PTGIR: variants seen among roughly 807,000 people sequenced by gnomAD.
PTGIR encodes prostaglandin I2 receptor.
Under a neutral mutation model 17.6 loss-of-function variants are expected in PTGIR, and 16 were observed. That is an observed-to-expected ratio of 0.91 (90% confidence interval 0.61 to 1.38). The LOEUF is 1.38. Ranked by LOEUF, PTGIR falls within the 40% of genes most tolerant of loss-of-function variation. The probability of loss-of-function intolerance (pLI) is 0.00; values close to 1 mark genes in which losing one functional copy is unlikely to be tolerated. For synonymous variants in PTGIR, 274 were observed against 255.4 expected, an observed-to-expected ratio of 1.07 and a Z score of -0.69; for missense variants, 532 against 548.6, an observed-to-expected ratio of 0.97 and a Z score of 0.30.
downstream of PTGIR, among the ~76,000 whole-genome samples, chr19:46,619,613 G>GAA (rs1568675838): frequency 8.1e-6 from 1 of 124,076 alleles, no homozygotes; most frequent in African/African-American, 3.3e-5. Context: ...AGGAAAGAAA[G>GAA]AAAGAAAGAA....
At chr19:46,617,822 GTGCTTT>G (rs1430968272), downstream of PTGIR, among the ~76,000 whole-genome samples, 1 of 150,684 alleles carries the variant, frequency 6.6e-6, no homozygotes, top group African/African-American at 2.4e-5. Flanking sequence ...TCAACCTGTT[GTGCTTT>G]TGCTTTTAAC....
At chr19:46,612,899 CACTTCAATAA>C in the PTGIR span, among the ~76,000 whole-genome samples, 4 of 152,170 alleles carry the variant, frequency 2.6e-5, no homozygotes, top group African/African-American at 9.7e-5. Context: ...CCACCTCTGC[CACTTCAATAA>C]ACTTGGAGCA....
downstream of PTGIR, among the ~76,000 whole-genome samples, chr19:46,619,783 G>A (rs1289248460): frequency 6.6e-6 from 1 of 152,182 alleles, no homozygotes; most frequent in Non-Finnish European, 1.5e-5. Context: ...CACGTACCGC[G>A]CCTCTCCCCA....
chr19:46,616,887 C>T (rs995364488), downstream of PTGIR, among the ~76,000 whole-genome samples: 2 of 152,224 alleles, frequency 1.3e-5, no homozygotes, highest in Non-Finnish European at 1.5e-5. Context: ...CCCTGCGGAG[C>T]GGGTGAGCAG....
At chr19:46,624,343 C>T in intron 1 of PTGIR, 106 bp from the exon 2 acceptor site, 1 of 1,058,078 alleles carries the variant, frequency 9.5e-7, no homozygotes. Flanking sequence ...CTGGGGCCTC[C>T]CAGCCAACCC....
chr19:46,621,590 T>C lies in PTGIR; in HGVS notation c.851A>G (p.Asn284Ser), dbSNP rs753020773. 1.2e-6 allele frequency: 2 copies of C among 1,613,574 alleles called. No homozygotes were observed. Among genetic ancestry groups the C allele is most frequent in the South Asian group, 2.2e-5 (2 of 91,062 alleles). ...GAAGACCCAGGGGTCCAGGATGGGG[T>C]TGAAGGCGTAGAAGCGGAAGGCAAG... ...DLLAFRFYAF[N>S]PILDPWVFIL... Residue 284 changes from asparagine to serine, a missense_variant, in exon 3 of 3, where the codon AAC (asparagine) becomes AGC (serine). Coordinates refer to ENST00000291294, the MANE Select transcript of PTGIR (RefSeq NM_000960.4). This position sits in a 1 kb window ranked among gnomAD's most constrained non-coding sequence, Gnocchi z 4.8.
the PTGIR span, among the ~76,000 whole-genome samples, chr19:46,613,986 A>G: frequency 6.6e-6 from 1 of 152,200 alleles, no homozygotes; most frequent in East Asian, 1.9e-4. Flanking sequence ...TTAAATAATC[A>G]TGACTTCCCT....
At chr19:46,616,206 C>T (rs568947269), downstream of PTGIR, among the ~76,000 whole-genome samples, 4 of 152,124 alleles carry the variant, frequency 2.6e-5, no homozygotes, top group East Asian at 7.7e-4. Flanking sequence ...GGGCACGAGG[C>T]AGCCTCGGGT....
At position 46,621,908 on chromosome 19, in the gene PTGIR, C is replaced by T. The variant is rs569499258; in HGVS notation, c.769-236G>A. The stretch of plus-strand genomic sequence containing the variant: ...TGGGGGCCAGGTATGTGGGTCCCCC[C>T]ACCCTTGGAAGCTGGGAGGACCCTC... On this transcript the variant is annotated intron_variant, in intron 2 of 2. Transcript: ENST00000291294. This position sits in a 1 kb window ranked among gnomAD's most constrained non-coding sequence, Gnocchi z 4.8. 581 of 1,316,742 alleles carry T rather than the reference C, an allele frequency of 4.4e-4. 12 individuals are homozygous for T. The South Asian group carries it at 0.011, about 25-fold the overall frequency. 81.6% of individuals were successfully genotyped at this position (1,316,742 alleles called of 1,614,324 possible).
At chr19:46,611,229 C>T in the PTGIR span, among the ~76,000 whole-genome samples, 1 of 152,128 alleles carries the variant, frequency 6.6e-6, no homozygotes, top group Non-Finnish European at 1.5e-5. Flanking sequence ...CAAGAGAAGC[C>T]CAGACATCAA....
intron 2 of PTGIR, 131 bp downstream of exon 2, chr19:46,623,327 C>T (rs1568679403): frequency 2.7e-6 from 3 of 1,130,300 alleles, no homozygotes; most frequent in Non-Finnish European, 1.2e-6. Flanking sequence ...GCTGGGATTA[C>T]AGGCGTGAGC....
rs2052720207 is a variant in PTGIR, at chr19:46,621,003, G to T, written c.*277C>A. 8.7e-7 allele frequency: 1 copy of T among 1,144,436 alleles called. No homozygotes were observed. The highest frequency in any genetic ancestry group is 4.1e-5 in the South Asian group (1 of 24,114). 70.9% of individuals were successfully genotyped at this position (1,144,436 alleles called of 1,614,324 possible). The stretch of plus-strand genomic sequence containing the variant: ...TCCGCCTTCTAAATATTTAGACAAT[G>T]AGATGGATGGGGAATCCAGGGCCAG... On this transcript the variant is annotated 3_prime_UTR_variant, in exon 3 of 3. Coordinates refer to ENST00000291294, the MANE Select transcript of PTGIR (RefSeq NM_000960.4). This position sits in a 1 kb window ranked among gnomAD's most constrained non-coding sequence, Gnocchi z 4.8.
chr19:46,621,332 G>T lies in PTGIR; in HGVS notation c.1109C>A (p.Ala370Asp). 6.6e-7 allele frequency: 1 copy of T among 1,525,638 alleles called. No individual in the cohort carries two copies. The highest frequency in any genetic ancestry group is 8.8e-7 in the Non-Finnish European group (1 of 1,136,548). The allele number at this position is 1,525,638 out of a possible 1,614,324, so 94.5% of individuals were successfully genotyped here. A position where few individuals can be genotyped will look rare whatever the true frequency, so the allele number is the denominator to read the frequency against. Residue 370 changes from alanine (A) to aspartate (D), a missense_variant, in exon 3 of 3, where the codon GCC (alanine) becomes GAC (aspartate). Ala to Asp is a moderately radical substitution (Grantham distance 126). Transcript: ENST00000291294. This position sits in a 1 kb window ranked among gnomAD's most constrained non-coding sequence, Gnocchi z 4.8. ...TTCTGCTTTGGACGACGTTCCCACG[G>T]CGCTGCCGCTGGACTGCTGTGTGGG... ...LPPTQQSSGS[A>D]VGTSSKAEAS... is the part of the protein sequence containing the mutation.
chr19:46,621,985 C>T lies in PTGIR; in HGVS notation c.769-313G>A, dbSNP rs1396021819. 35 of 985,284 alleles carry T rather than the reference C, an allele frequency of 3.6e-5. No individual in the cohort carries two copies. Among genetic ancestry groups the T allele is most frequent in the Non-Finnish European group, 3.6e-5 (30 of 829,940 alleles). 61.0% of individuals were successfully genotyped at this position (985,284 alleles called of 1,614,324 possible). A position where few individuals can be genotyped will look rare whatever the true frequency, so the allele number is the denominator to read the frequency against. On this transcript the variant is annotated intron_variant, in intron 2 of 2. Coordinates refer to ENST00000291294, the MANE Select transcript of PTGIR (RefSeq NM_000960.4). The surrounding 1 kb of genome is among the most constrained non-coding windows in gnomAD (Gnocchi z 4.8). ...GTCCCTGCAAGAAGGTGGCGCCACC[C>T]GGCTGGGCCCCCTGAAACTGCCGCA...
downstream of PTGIR, among the ~76,000 whole-genome samples, chr19:46,617,907 C>T (rs1218242504): frequency 1.3e-5 from 2 of 150,498 alleles, no homozygotes; most frequent in African/African-American, 2.5e-5. Context: ...GTAAACATCT[C>T]GGCTCACTGC....
the PTGIR span, among the ~76,000 whole-genome samples, chr19:46,613,288 G>A: frequency 6.6e-6 from 1 of 150,894 alleles, no homozygotes; most frequent in East Asian, 2.0e-4. Context: ...AATGACCTCC[G>A]CCTGCCTCAA....
chr19:46,614,946 CA>C, the PTGIR span, among the ~76,000 whole-genome samples: 1 of 152,128 alleles, frequency 6.6e-6, no homozygotes, highest in Non-Finnish European at 1.5e-5. Flanking sequence ...TGTTTGAACC[CA>C]GGGGGCAGAG....
At chr19:46,617,309 C>G (rs1418919365), downstream of PTGIR, among the ~76,000 whole-genome samples, 2 of 152,260 alleles carry the variant, frequency 1.3e-5, no homozygotes, top group African/African-American at 2.4e-5. Flanking sequence ...CTTGGACAGT[C>G]AGGGGCCAGG....
downstream of PTGIR, among the ~76,000 whole-genome samples, chr19:46,619,574 AG>A (rs1568675640): frequency 3.9e-5 from 5 of 127,938 alleles, no homozygotes; most frequent in East Asian, 2.4e-4. Flanking sequence ...AGAGAGAGAG[AG>A]AGAGAGAGAA....
Sources: gnomAD v4.1 joint callset for allele counts (sites outside exome capture counted in the v4.1 genomes callset) on GRCh38, gnomAD v4.1.1 for gene constraint, Gnocchi (gnomAD v3.1) non-coding constraint, MANE v1.5 for transcripts, NCBI Gene and HGNC (gene_info 2026-07-23, HGNC 2026-07-21) for gene names.